The following BMP2K variants were observed in gnomAD, a reference collection of about 807,000 sequenced individuals.
The protein encoded by BMP2K is BMP-2-inducible protein kinase.
BMP2K carries 74 observed loss-of-function variants against 116.0 expected under a neutral mutation model. That is an observed-to-expected ratio of 0.64 (90% confidence interval 0.53 to 0.77). The LOEUF is 0.77. Among genes scored for constraint, BMP2K ranks in the 30% least tolerant of loss-of-function variants. The pLI, the probability that BMP2K is intolerant of heterozygous loss-of-function variation, is 0.00. For missense variants in BMP2K, 1,365 were observed against 1,403.6 expected, an observed-to-expected ratio of 0.97 and a Z score of 0.44; for synonymous variants, 486 against 502.5, an observed-to-expected ratio of 0.97 and a Z score of 0.44.
chr4:78,893,245 C>T (rs916368989), intron 15 of BMP2K, among the ~76,000 whole-genome samples: 2 of 152,222 alleles, frequency 1.3e-5, no homozygotes, highest in African/African-American at 2.4e-5. Flanking sequence ...AGCAACTCCT[C>T]ATCTGTTCCA....
At chr4:78,830,163 C>T (rs1241390939) in intron 2 of BMP2K, among the ~76,000 whole-genome samples, 1 of 152,112 alleles carries the variant, frequency 6.6e-6, no homozygotes, top group East Asian at 1.9e-4. Context: ...AGGCAAGAGC[C>T]GCCACACCCA....
At chr4:78,856,614 A>G (rs556664673) in intron 7 of BMP2K, among the ~76,000 whole-genome samples, 2 of 152,190 alleles carry the variant, frequency 1.3e-5, no homozygotes, top group Admixed American at 1.3e-4. Flanking sequence ...ATGATTATTC[A>G]TCTTTTCATA....
Position 78,910,945 on chromosome 4 carries a change from C to G in BMP2K, c.2398C>G (p.His800Asp). ...DSEDEEEEEK[H>D]SSDSDYEQAK... ...TGAAGATGAGGAAGAAGAGGAGAAACATAGCTCTGATTCTGATTATGAGCA... is the reference window on the plus strand; with the variant it reads ...TGAAGATGAGGAAGAAGAGGAGAAAGATAGCTCTGATTCTGATTATGAGCA... The change falls in exon 16 of 16, where the codon CAT becomes GAT. Residue 800 changes from histidine to aspartate, a missense_variant. Around this residue, in one of 3 missense-constraint regions of BMP2K, gnomAD observed 596 missense variants for 623.2 expected, o/e 0.96. Coordinates refer to ENST00000502613, the MANE Select transcript of BMP2K (RefSeq NM_198892.2). The G allele has an allele frequency of 6.2e-7, 1 of 1,613,724 alleles. No individual in the cohort carries two copies. Among genetic ancestry groups the G allele is most frequent in the Non-Finnish European group, 8.5e-7 (1 of 1,179,770 alleles).
At chr4:78,893,487 G>T (rs929957802) in intron 15 of BMP2K, among the ~76,000 whole-genome samples, 4 of 152,206 alleles carry the variant, frequency 2.6e-5, no homozygotes, top group Non-Finnish European at 4.4e-5. Context: ...TTCTTTTCAG[G>T]TTTTCAGTTT....
chr4:78,808,972 G>A (rs1397975824), intron 1 of BMP2K, among the ~76,000 whole-genome samples: 1 of 152,140 alleles, frequency 6.6e-6, no homozygotes, highest in Non-Finnish European at 1.5e-5. Context: ...GGTCTAGTTG[G>A]TTTATAGTGT....
chr4:78,878,448 C>T (rs1732737366), intron 13 of BMP2K, among the ~76,000 whole-genome samples: 1 of 152,088 alleles, frequency 6.6e-6, no homozygotes, highest in Admixed American at 6.6e-5. Context: ...GATACTATTA[C>T]TCCTTTTTAC....
intron 8 of BMP2K, chr4:78,860,193 GGGAAGC>G: frequency 2.4e-6 from 1 of 413,688 alleles, no homozygotes; most frequent in Non-Finnish European, 4.7e-6. Flanking sequence ...TCAGAAAGGT[GGGAAGC>G]GGATGAAGGA....
At chr4:78,829,660 A>G (rs141516284) in intron 2 of BMP2K, among the ~76,000 whole-genome samples, 28 of 152,126 alleles carry the variant, frequency 1.8e-4, no homozygotes, top group South Asian at 2.1e-4. Context: ...AGTCTTAAGA[A>G]ATATATTTTT....
chr4:78,799,083 G>A (rs1487060292), intron 1 of BMP2K, among the ~76,000 whole-genome samples: 1 of 152,134 alleles, frequency 6.6e-6, no homozygotes, highest in Non-Finnish European at 1.5e-5. Context: ...AAAAGACAGG[G>A]CAACAGTGCC....
chr4:78,884,014 C>T (rs1410143075), intron 14 of BMP2K, among the ~76,000 whole-genome samples: 1 of 151,996 alleles, frequency 6.6e-6, no homozygotes, highest in East Asian at 1.9e-4. Context: ...CACTGTATTA[C>T]AGCCTGGGTG....
intron 7 of BMP2K, among the ~76,000 whole-genome samples, chr4:78,858,441 T>A (rs1023966961): frequency 6.6e-6 from 1 of 151,946 alleles, no homozygotes; most frequent in African/African-American, 2.4e-5. Flanking sequence ...AAGTGATATA[T>A]GTTAGCATTA....
chr4:78,901,241 T>G (rs886804539), intron 15 of BMP2K, among the ~76,000 whole-genome samples: 5 of 149,988 alleles, frequency 3.3e-5, no homozygotes, highest in South Asian at 4.2e-4. Flanking sequence ...TTTTTTTTTT[T>G]GTAGAGACTA....
At chr4:78,903,748 C>T (rs984831338) in intron 15 of BMP2K, among the ~76,000 whole-genome samples, 2 of 151,940 alleles carry the variant, frequency 1.3e-5, no homozygotes, top group Admixed American at 6.6e-5. Context: ...AAAGAGTCTT[C>T]ATCCTGTTCG....
intron 15 of BMP2K, among the ~76,000 whole-genome samples, chr4:78,891,873 T>TA (rs776867726): frequency 1.1e-4 from 16 of 152,172 alleles, no homozygotes; most frequent in Non-Finnish European, 1.9e-4. Context: ...TTTAGTTTGA[T>TA]ACAGATTACT....
chr4:78,877,794 TCAC>T (rs1732701493), intron 13 of BMP2K, among the ~76,000 whole-genome samples: 1 of 152,182 alleles, frequency 6.6e-6, no homozygotes, highest in African/African-American at 2.4e-5. Flanking sequence ...CAAATCAGCA[TCAC>T]CACAAACACA....
At chr4:78,785,409 G>T (rs1727684214) in intron 1 of BMP2K, among the ~76,000 whole-genome samples, 1 of 152,086 alleles carries the variant, frequency 6.6e-6, no homozygotes, top group African/African-American at 2.4e-5. Flanking sequence ...ACTGCGCCCG[G>T]CCTAAAATTA....
intron 1 of BMP2K, among the ~76,000 whole-genome samples, chr4:78,799,995 A>T (rs1728491449): frequency 1.3e-5 from 2 of 152,326 alleles, no homozygotes; most frequent in South Asian, 4.1e-4. Context: ...GATATGCCGT[A>T]CTCTGACAAG....
At chr4:78,828,491 G>A (rs893224599) in intron 2 of BMP2K, among the ~76,000 whole-genome samples, 1 of 152,106 alleles carries the variant, frequency 6.6e-6, no homozygotes, top group Non-Finnish European at 1.5e-5. Context: ...TATAGTGCAG[G>A]ACTCTTTCTG....
chr4:78,786,405 ATGTGTGTGTGTGTGTGTGTGTGTG>A (rs34288286), intron 1 of BMP2K, among the ~76,000 whole-genome samples: 50 of 134,386 alleles, frequency 3.7e-4, no homozygotes, highest in African/African-American at 1.3e-3. Flanking sequence ...AAGCCACCCA[ATGTGTGTGTGTGTGTGTGTGTGTG>A]TGTGTGTGTG....
Sources: gnomAD v4.1 joint callset for allele counts (sites outside exome capture counted in the v4.1 genomes callset) on GRCh38, gnomAD v4.1.1 for gene constraint, gnomAD v4.1.1 regional missense constraint, MANE v1.5 for transcripts, NCBI Gene and HGNC (gene_info 2026-07-23, HGNC 2026-07-21) for gene names.